Variants in HCN1 observed in about 807,000 individuals in gnomAD.
HCN1 encodes the protein hyperpolarization activated cyclic nucleotide gated potassium channel 1.
In HCN1, 13 loss-of-function variants were observed where a neutral mutation model predicts 78.9. The ratio of observed to expected loss-of-function variants is 0.16; its 90% CI spans 0.11 to 0.26. The LOEUF (loss-of-function observed/expected upper bound fraction) is 0.26. Ranked by LOEUF, HCN1 falls within the 10% of genes least tolerant of loss-of-function variation. The probability of loss-of-function intolerance (pLI) is 1.00; values close to 1 mark genes in which losing one functional copy is unlikely to be tolerated. For synonymous variants in HCN1, 552 were observed against 455.5 expected, an observed-to-expected ratio of 1.21 and a Z score of -2.70; for missense variants, 810 against 1,154.3, an observed-to-expected ratio of 0.70 and a Z score of 4.32.
intron 2 of HCN1, chr5:45,575,621 A>C (rs2111910348): frequency 6.6e-6 from 1 of 152,082 alleles, no homozygotes; most frequent in East Asian, 1.9e-4. Flanking sequence ...TGCTCTATAA[A>C]TAAAATAACA....
intron 4 of HCN1, among the ~76,000 whole-genome samples, chr5:45,388,208 C>A (rs916975118): frequency 6.6e-6 from 1 of 152,162 alleles, no homozygotes; most frequent in Non-Finnish European, 1.5e-5. Flanking sequence ...GTTCTTGTAT[C>A]TGTGGCACAG....
intron 2 of HCN1, among the ~76,000 whole-genome samples, chr5:45,536,870 G>T (rs970506651): frequency 1.3e-5 from 2 of 152,176 alleles, no homozygotes; most frequent in African/African-American, 4.8e-5. Context: ...CATCCCATAA[G>T]GTTGGCAGCA....
Position 45,262,816 on chromosome 5 carries a change from A to G in HCN1, c.1784-6T>C. 19 of 1,613,384 alleles carry G rather than the reference A, an allele frequency of 1.2e-5. No individual in the cohort carries two copies. The highest frequency in any genetic ancestry group is 1.6e-5 in the Non-Finnish European group (19 of 1,180,022). The stretch of plus-strand genomic sequence containing the variant: ...AAGAATTGAATTTTTCTTTCCTGTC[A>G]GCAAAAGAAAGATAGGCACTTAGAA... On this transcript the variant is annotated splice_polypyrimidine_tract_variant and splice_region_variant and intron_variant, in intron 7 of 7. Transcript: ENST00000303230.
chr5:45,344,886 C>T (rs1349407817), intron 5 of HCN1, among the ~76,000 whole-genome samples: 1 of 152,150 alleles, frequency 6.6e-6, no homozygotes, highest in African/African-American at 2.4e-5. Context: ...TGGTCCTCTT[C>T]TCACAGCTCC....
At chr5:45,521,948 A>T (rs2111780279) in intron 2 of HCN1, among the ~76,000 whole-genome samples, 1 of 152,126 alleles carries the variant, frequency 6.6e-6, no homozygotes, top group Non-Finnish European at 1.5e-5. Flanking sequence ...GGTTTTAAGA[A>T]TATTCTAGAG....
chr5:45,330,036 A>T (rs1245321781), intron 5 of HCN1, among the ~76,000 whole-genome samples: 1 of 151,430 alleles, frequency 6.6e-6, no homozygotes, highest in Non-Finnish European at 1.5e-5. Flanking sequence ...TTTACGAAAA[A>T]AATGCACAAT....
chr5:45,459,834 C>G lies in HCN1; in HGVS notation c.1011+2012G>C, dbSNP rs189822422. The stretch of plus-strand genomic sequence containing the variant: ...AGTGCTAATGTTTTTATACTATCCT[C>G]TCAGTCAGTAGCCAGATTATAGAGC... On this transcript the variant is annotated intron_variant, in intron 3 of 7. Coordinates refer to ENST00000303230, the MANE Select transcript of HCN1 (RefSeq NM_021072.4). Among the ~76,000 whole-genome samples the G allele has an allele frequency of 3.4e-4, 52 of 152,184 alleles. No individual in the cohort carries two copies. In the East Asian group the frequency reaches 7.5e-3, roughly 22 times the overall value.
chr5:45,403,089 T>C (rs1739857084), intron 3 of HCN1, among the ~76,000 whole-genome samples: 1 of 152,084 alleles, frequency 6.6e-6, no homozygotes, highest in African/African-American at 2.4e-5. Flanking sequence ...GAGTGAATGA[T>C]TAGGCATAAG....
At chr5:45,667,782 C>T (rs1746077890) in intron 1 of HCN1, among the ~76,000 whole-genome samples, 1 of 151,928 alleles carries the variant, frequency 6.6e-6, no homozygotes, top group Non-Finnish European at 1.5e-5. Flanking sequence ...TGTCAAGCTA[C>T]TATGACATTG....
chr5:45,436,299 C>A (rs1463253474), intron 3 of HCN1, among the ~76,000 whole-genome samples: 2 of 152,172 alleles, frequency 1.3e-5, no homozygotes, highest in East Asian at 3.9e-4. Context: ...AATGAATTCC[C>A]TACCTAAACC....
intron 2 of HCN1, among the ~76,000 whole-genome samples, chr5:45,491,357 C>G (rs1741881076): frequency 1.3e-5 from 2 of 152,042 alleles, no homozygotes; most frequent in Admixed American, 1.3e-4. Flanking sequence ...GGTGTCCATA[C>G]TCCAACAAAC....
chr5:45,678,869 T>C (rs1739648781), intron 1 of HCN1, among the ~76,000 whole-genome samples: 1 of 151,902 alleles, frequency 6.6e-6, no homozygotes, highest in South Asian at 2.1e-4. Flanking sequence ...CAAAAACAAA[T>C]GAGCATCTGA....
chr5:45,376,472 A>G (rs1169961821), intron 4 of HCN1, among the ~76,000 whole-genome samples: 1 of 150,006 alleles, frequency 6.7e-6, no homozygotes, highest in Non-Finnish European at 1.5e-5. Flanking sequence ...CAGATTGGCT[A>G]GTGTCTTGAT....
chr5:45,491,916 A>G (rs1209447083), intron 2 of HCN1, among the ~76,000 whole-genome samples: 1 of 152,170 alleles, frequency 6.6e-6, no homozygotes, highest in Non-Finnish European at 1.5e-5. Context: ...ATGATTAATA[A>G]GTACTACCTA....
chr5:45,372,091 A>G (rs1415793508), intron 4 of HCN1, among the ~76,000 whole-genome samples: 1 of 58,784 alleles, frequency 1.7e-5, no homozygotes, highest in Non-Finnish European at 2.7e-5. Flanking sequence ...ATATAATTAT[A>G]TATATATTTT....
chr5:45,356,534 C>T (rs983979208), intron 4 of HCN1, among the ~76,000 whole-genome samples: 5 of 151,862 alleles, frequency 3.3e-5, no homozygotes, highest in East Asian at 1.9e-4. Flanking sequence ...TGCTTGTTCC[C>T]GTTTCTTATA....
chr5:45,584,246 G>A (rs1744151256), intron 2 of HCN1, among the ~76,000 whole-genome samples: 1 of 152,072 alleles, frequency 6.6e-6, no homozygotes, highest in Non-Finnish European at 1.5e-5. Flanking sequence ...AGGATAGTTA[G>A]CTCTTCTTGT....
intron 4 of HCN1, among the ~76,000 whole-genome samples, chr5:45,374,122 T>C (rs1162105452): frequency 1.4e-4 from 16 of 114,654 alleles, no homozygotes; most frequent in African/African-American, 5.1e-4. Flanking sequence ...ACATAATATA[T>C]ATAATATATA....
intron 2 of HCN1, among the ~76,000 whole-genome samples, chr5:45,522,818 T>C (rs1742642483): frequency 6.6e-6 from 1 of 151,956 alleles, no homozygotes; most frequent in Non-Finnish European, 1.5e-5. Context: ...TATTTACATA[T>C]TGTCCAAGTC....
Sources: allele counts gnomAD v4.1 joint callset (sites outside exome capture counted in the v4.1 genomes callset), GRCh38; gene constraint gnomAD v4.1.1; transcripts MANE v1.5; gene names NCBI Gene and HGNC (gene_info 2026-07-23, HGNC 2026-07-21).